Variants in RBM12B observed in about 807,000 individuals in gnomAD.
The protein encoded by RBM12B is RNA binding motif protein 12B.
RBM12B carries 10 observed loss-of-function variants against 34.3 expected under a neutral mutation model. The ratio of observed to expected loss-of-function variants is 0.29; its 90% CI spans 0.18 to 0.49. The LOEUF (loss-of-function observed/expected upper bound fraction) is 0.49, where lower values mean the gene tolerates loss of function less well. RBM12B is among the 20% of genes least tolerant of loss of function. The pLI, the probability that RBM12B is intolerant of heterozygous loss-of-function variation, is 0.99. For synonymous variants in RBM12B, 477 were observed against 437.1 expected, an observed-to-expected ratio of 1.09 and a Z score of -1.14; for missense variants, 1,139 against 1,262.7, an observed-to-expected ratio of 0.90 and a Z score of 1.48.
In RBM12B at chr8:93,729,552, C is replaced by G. The variant is rs1469349382; in HGVS notation, c.*3853G>C. 6.6e-6 allele frequency: 1 copy of G among 152,088 alleles called. No homozygotes were observed. The highest frequency in any genetic ancestry group is 2.4e-5 in the African/African-American group (1 of 41,422). 9.4% of individuals were successfully genotyped at this position (152,088 alleles called of 1,614,324 possible). A position where few individuals can be genotyped will look rare whatever the true frequency, so the allele number is the denominator to read the frequency against. ...GTTAAAACTGCGTAAAACAGTAATT[C>G]TGGAATAAAACATACATTCTGCCTA... On this transcript the variant is annotated 3_prime_UTR_variant, in exon 4 of 4. Transcript: ENST00000520560.
chr8:93,736,893 T>G (rs745857589), intron 3 of RBM12B, among the ~76,000 whole-genome samples: 1 of 152,230 alleles, frequency 6.6e-6, no homozygotes, highest in Non-Finnish European at 1.5e-5. Flanking sequence ...ATAAATTGCC[T>G]ACCACTGGCC....
chr8:93,733,946 G>A lies in RBM12B; in HGVS notation c.2465C>T (p.Pro822Leu). The A allele has an allele frequency of 6.2e-7, 1 of 1,613,624 alleles. No homozygotes were observed. Among genetic ancestry groups the A allele is most frequent in the African/African-American group, 1.3e-5 (1 of 74,902 alleles). Residue 822 changes from proline to leucine, a missense_variant, in exon 4 of 4, where the codon CCT (proline) becomes CTT (leucine). Pro to Leu is a moderately conservative substitution (Grantham distance 98). Transcript: ENST00000520560. Reference sequence around the variant, plus strand: ...GGGGCTCCTGAAGTCCTCATCAGGAGGGTGCCTAAAGTCTTCATCAGGAGG... The same window carrying A: ...GGGGCTCCTGAAGTCCTCATCAGGAAGGTGCCTAAAGTCTTCATCAGGAGG... ...RGPPDEDFRH[P>L]PDEDFRSPQE...
rs1231659358 is a variant in RBM12B at position 93,735,106 on chromosome 8, A to G, written c.1305T>C (p.Asp435=). 1 of 1,614,070 alleles carries G rather than the reference A, an allele frequency of 6.2e-7. No homozygotes were observed. The highest frequency in any genetic ancestry group is 1.7e-5 in the Admixed American group (1 of 60,010). ...LAEDDIYLLY[D]DKGVGLGEAL... ...CTTCTCCCAGACCAACACCTTTGTC[A>G]TCATAAAGCAAGTAAATGTCATCCT... is the stretch of plus-strand genomic sequence containing the variant. The change falls in exon 4 of 4, where the codon GAT becomes GAC. Residue 435 remains aspartate (D), a synonymous_variant. Transcript: ENST00000520560.
Position 93,733,623 on chromosome 8 carries a change from T to C in RBM12B, c.2788A>G (p.Met930Val). The part of the protein sequence containing the change: ...GSGRVTPIKI[M>V]NLPFKANVNE... ...ACATTAGCTTTAAATGGAAGATTCATTATCTTAATAGGAGTTACTCTACCT... is the reference window on the plus strand; with the variant it reads ...ACATTAGCTTTAAATGGAAGATTCACTATCTTAATAGGAGTTACTCTACCT... The change falls in exon 4 of 4, where the codon ATG becomes GTG. Residue 930 changes from methionine (M) to valine (V), a missense_variant. By Grantham distance (21) the Met-to-Val change is conservative. Around this residue, in one of 3 missense-constraint regions of RBM12B, gnomAD observed 60 missense variants for 101.0 expected, o/e 0.59. Coordinates refer to ENST00000520560, the MANE Select transcript of RBM12B (RefSeq NM_001377960.1). 6.2e-7 allele frequency: 1 copy of C among 1,614,010 alleles called. No homozygotes were observed. Among genetic ancestry groups the C allele is most frequent in the Non-Finnish European group, 8.5e-7 (1 of 1,179,964 alleles).
chr8:93,740,569 G>C (rs939757274), intron 2 of RBM12B, 60 bp downstream of exon 2: 2 of 453,272 alleles, frequency 4.4e-6, no homozygotes, highest in Non-Finnish European at 8.9e-6. Flanking sequence ...TAACGAGCTG[G>C]GCCTGCAGCG....
At chr8:93,738,398 T>A (rs1210559813) in intron 2 of RBM12B, among the ~76,000 whole-genome samples, 1 of 152,224 alleles carries the variant, frequency 6.6e-6, no homozygotes, top group Non-Finnish European at 1.5e-5. Context: ...CGTTTAATAC[T>A]TTCAGGGATA....
In RBM12B at chr8:93,735,662, G is replaced by C. The variant is rs17853906; in HGVS notation, c.749C>G (p.Ser250Cys). 3.7e-6 allele frequency: 6 copies of C among 1,613,988 alleles called. No individual in the cohort carries two copies. The South Asian group carries it at 5.5e-5, about 15-fold the overall frequency. Residue 250 changes from serine (S) to cysteine (C), a missense_variant, in exon 4 of 4, where the codon TCT (serine) becomes TGT (cysteine). By Grantham distance (112) the Ser-to-Cys change is moderately radical (BLOSUM62 -1). This residue lies in a region of RBM12B where 863 missense variants were observed against 869.5 expected (regional missense o/e 0.99). Transcript: ENST00000520560. ...TCCTCTTGGTGGAGAATGTTCTTCA[G>C]ATCTCCTAAGAACGTCACCCTCCTT... ...AVKEGDVLRR[S>C]EEHSPPRGIN...
chr8:93,734,282 G>A lies in RBM12B; in HGVS notation c.2129C>T (p.Ser710Phe), dbSNP rs1811922263. 3 of 1,613,586 alleles carry A rather than the reference G, an allele frequency of 1.9e-6. No homozygotes were observed. The highest frequency in any genetic ancestry group is 2.5e-6 in the Non-Finnish European group (3 of 1,179,830). ...RRPPEEDFRH[S>F]PEEDFRQSPQ... ...TGACTGCCTGAAGTCCTCCTCAGGG[G>A]AATGCCTGAAATCCTCCTCTGGGGG... The change falls in exon 4 of 4, where the codon TCC becomes TTC. Residue 710 changes from serine to phenylalanine, a missense_variant. Ser to Phe is a radical substitution (Grantham distance 155, BLOSUM62 -2). Transcript: ENST00000520560.
chr8:93,737,150 T>C (rs1274777469), intron 3 of RBM12B, among the ~76,000 whole-genome samples, 157 bp downstream of exon 3: 1 of 152,046 alleles, frequency 6.6e-6, no homozygotes, highest in Non-Finnish European at 1.5e-5. Flanking sequence ...CAGGATACAA[T>C]GGGCTGCAAC....
intron 2 of RBM12B, among the ~76,000 whole-genome samples, chr8:93,737,686 G>A (rs1202124315): frequency 1.3e-5 from 2 of 151,850 alleles, no homozygotes; most frequent in Non-Finnish European, 2.9e-5. Flanking sequence ...AGTTACATGG[G>A]TGTATAAATT....
At chr8:93,740,548 C>A (rs757725636) in intron 2 of RBM12B, 81 bp downstream of exon 2, 1 of 456,572 alleles carries the variant, frequency 2.2e-6, no homozygotes, top group South Asian at 1.5e-5. Context: ...AACACTTGCC[C>A]TTCTCAAGCC....
In RBM12B at chr8:93,734,237, C is replaced by G. The variant is rs760106376; in HGVS notation, c.2174G>C (p.Arg725Thr). ...FRQSPQEHFR[R>T]PPQEHFRRPP... is the part of the protein sequence containing the mutation. Reference sequence around the variant, plus strand: ...CCGACGGAAATGCTCCTGAGGTGGCCTCCGGAAATGCTCCTGGGGTGACTG... The same window carrying G: ...CCGACGGAAATGCTCCTGAGGTGGCGTCCGGAAATGCTCCTGGGGTGACTG... Residue 725 changes from arginine to threonine, a missense_variant, in exon 4 of 4, where the codon AGG becomes ACG. Coordinates refer to ENST00000520560, the MANE Select transcript of RBM12B (RefSeq NM_001377960.1). 6.2e-6 allele frequency: 10 copies of G among 1,606,674 alleles called. No homozygotes were observed. In the African/African-American group the frequency reaches 1.3e-4, roughly 22 times the overall value.
In RBM12B at chr8:93,735,136, A is replaced by C. The variant is rs1194054025; in HGVS notation, c.1275T>G (p.Leu425=). Residue 425 remains leucine, a synonymous_variant, in exon 4 of 4, where the codon CTT becomes CTG. Coordinates refer to ENST00000520560, the MANE Select transcript of RBM12B (RefSeq NM_001377960.1). ...EVQKFFADFL[L]AEDDIYLLYD... ...AAAGCAAGTAAATGTCATCCTCAGC[A>C]AGAAGAAAGTCTGCAAAGAACTTCT... 1 of 1,614,154 alleles carries C rather than the reference A, an allele frequency of 6.2e-7. No individual in the cohort carries two copies. Among genetic ancestry groups the C allele is most frequent in the South Asian group, 1.1e-5 (1 of 91,084 alleles).
intron 2 of RBM12B, among the ~76,000 whole-genome samples, chr8:93,737,581 A>G (rs1812059044): frequency 6.6e-6 from 1 of 152,138 alleles, no homozygotes; most frequent in Non-Finnish European, 1.5e-5. Flanking sequence ...TTATTTAAAA[A>G]TTTGAAACTT....
rs1811986973 is a variant in RBM12B, at chr8:93,735,458, T to C, written c.953A>G (p.Tyr318Cys). 3 of 1,613,306 alleles carry C rather than the reference T, an allele frequency of 1.9e-6. No homozygotes were observed. Among genetic ancestry groups the C allele is most frequent in the African/African-American group, 1.3e-5 (1 of 74,926 alleles). Reference protein sequence around the residue: ...DLTDEQIRFLYKDENRTRYAF... With the variant: ...DLTDEQIRFLCKDENRTRYAF... ...ATATCTTGTTCTATTTTCATCTTTATATAAAAACCTAATCTGTTCATCAGT... is the reference window on the plus strand; with the variant it reads ...ATATCTTGTTCTATTTTCATCTTTACATAAAAACCTAATCTGTTCATCAGT... Residue 318 changes from tyrosine (Y) to cysteine (C), a missense_variant, in exon 4 of 4, where the codon TAT (tyrosine) becomes TGT (cysteine). Around this residue, in one of 3 missense-constraint regions of RBM12B, gnomAD observed 863 missense variants for 869.5 expected, o/e 0.99. Coordinates refer to ENST00000520560, the MANE Select transcript of RBM12B (RefSeq NM_001377960.1).
In RBM12B at chr8:93,740,745, T is replaced by C. The variant is rs1245532474; in HGVS notation, c.-145-49A>G. On this transcript the variant is annotated intron_variant, in intron 1 of 3. Transcript: ENST00000520560. ...GTTTTAGCAAGAAAAGAGGGTGCCCTAACGGCAGGAGCTACGCTAGATACT... is the reference window on the plus strand; with the variant it reads ...GTTTTAGCAAGAAAAGAGGGTGCCCCAACGGCAGGAGCTACGCTAGATACT... 1.4e-5 allele frequency: 5 copies of C among 354,628 alleles called. No homozygotes were observed. In the East Asian group the frequency reaches 3.7e-4, roughly 26 times the overall value. 22.0% of individuals were successfully genotyped at this position (354,628 alleles called of 1,614,324 possible).
Position 93,734,911 on chromosome 8 carries a change from C to G in RBM12B, c.1500G>C (p.Gln500His). The G allele has an allele frequency of 3.1e-6, 5 of 1,613,406 alleles. No homozygotes were observed. Among genetic ancestry groups the G allele is most frequent in the Non-Finnish European group, 2.5e-6 (3 of 1,179,374 alleles). ...GGGAATGGTCACCTCGCTCACGTGA[C>G]TGTGAGCGAGCTTGCATTTTTTCAC... ...MSSEKMQARSQSRERGDHSHL... is the reference protein window; with the variant it reads ...MSSEKMQARSHSRERGDHSHL... Residue 500 changes from glutamine (Q) to histidine (H), a missense_variant, in exon 4 of 4, where the codon CAG becomes CAC. Coordinates refer to ENST00000520560, the MANE Select transcript of RBM12B (RefSeq NM_001377960.1).
At position 93,735,026 on chromosome 8, in the gene RBM12B, C is replaced by T. The variant is rs766728294; in HGVS notation, c.1385G>A (p.Arg462Gln). The change falls in exon 4 of 4, where the codon CGA becomes CAA. Residue 462 changes from arginine (R) to glutamine (Q), a missense_variant. This residue lies in a region of RBM12B where 863 missense variants were observed against 869.5 expected (regional missense o/e 0.99). Coordinates refer to ENST00000520560, the MANE Select transcript of RBM12B (RefSeq NM_001377960.1). ...EQAMKAERLN[R>Q]RRFLGTEVLL... ...CACCTCTGTCCCTAGGAATCTTCGT[C>T]GGTTTAAACGTTCAGCTTTCATGGC... 1.7e-5 allele frequency: 27 copies of T among 1,614,034 alleles called. No homozygotes were observed. Among genetic ancestry groups the T allele is most frequent in the Admixed American group, 3.3e-5 (2 of 60,016 alleles).
At position 93,732,452 on chromosome 8, in the gene RBM12B, T is replaced by C. The variant is rs1197151902; in HGVS notation, c.*953A>G. On this transcript the variant is annotated 3_prime_UTR_variant, in exon 4 of 4. Transcript: ENST00000520560. ...TCGAAGCTAAAAAATGAGAACCTAATATTACATGCAAGTTATGTGACTCAT... is the reference window on the plus strand; with the variant it reads ...TCGAAGCTAAAAAATGAGAACCTAACATTACATGCAAGTTATGTGACTCAT... 3 of 152,264 alleles carry C rather than the reference T, an allele frequency of 2.0e-5. No individual in the cohort carries two copies. Among genetic ancestry groups the C allele is most frequent in the African/African-American group, 7.2e-5 (3 of 41,478 alleles). The allele number at this position is 152,264 out of a possible 1,614,324, so 9.4% of individuals were successfully genotyped here.
Sources: allele counts gnomAD v4.1 joint callset (sites outside exome capture counted in the v4.1 genomes callset), GRCh38; gene constraint gnomAD v4.1.1; regional missense constraint gnomAD v4.1.1; transcripts MANE v1.5; gene names NCBI Gene and HGNC (gene_info 2026-07-23, HGNC 2026-07-21).